Variants in SCN1B observed in about 807,000 individuals in gnomAD.
The protein encoded by SCN1B is sodium voltage-gated channel beta subunit 1.
Under a neutral mutation model 25.7 loss-of-function variants are expected in SCN1B, and 11 were observed. The observed-to-expected ratio is 0.43, with a 90% CI of 0.27 to 0.71. The LOEUF (loss-of-function observed/expected upper bound fraction) is 0.71. Among genes scored for constraint, SCN1B ranks in the 30% least tolerant of loss-of-function variants. SCN1B has a pLI of 0.21. For missense variants in SCN1B, 224 were observed against 291.5 expected (o/e 0.77, Z 1.69); for synonymous variants, 119 against 117.5 (o/e 1.01, Z -0.08).
chr19:35,039,439 T>C (rs1233623733), intron 4 of SCN1B, 181 bp downstream of exon 4: 8 of 1,008,418 alleles, frequency 7.9e-6, no homozygotes, highest in Non-Finnish European at 1.2e-5. Flanking sequence ...ACCCAGCCCC[T>C]TCCTCCCTCC....
In SCN1B at chr19:35,030,753, C is replaced by T. The variant is rs1379248680; in HGVS notation, c.-68C>T. 3 of 518,484 alleles carry T rather than the reference C, an allele frequency of 5.8e-6. No homozygotes were observed. The highest frequency in any genetic ancestry group is 9.4e-6 in the Non-Finnish European group (3 of 317,706). The allele number at this position is 518,484 out of a possible 1,614,324, so 32.1% of individuals were successfully genotyped here. On this transcript the variant is annotated 5_prime_UTR_variant, in exon 1 of 6. Transcript: ENST00000262631. ...GGGACATTCTAACCGCCGCCAGGTCCCGCCGCCTCTCGCCCCGCTATTAAT... is the reference window on the plus strand; with the variant it reads ...GGGACATTCTAACCGCCGCCAGGTCTCGCCGCCTCTCGCCCCGCTATTAAT...
intron 1 of SCN1B, chr19:35,031,243 T>G (rs2064211854): frequency 1.4e-5 from 2 of 145,328 alleles, no homozygotes; most frequent in African/African-American, 2.6e-5. Flanking sequence ...CAGGGAGAGA[T>G]GAAGACGGGA....
In SCN1B at chr19:35,032,683, G is replaced by A; in HGVS notation, c.196G>A (p.Glu66Lys). 1 of 1,613,940 alleles carries A rather than the reference G, an allele frequency of 6.2e-7. No homozygotes were observed. The highest frequency in any genetic ancestry group is 1.1e-5 in the South Asian group (1 of 91,070). ...GACCTTCCGCCAGAAGGGCACTGAGGAGTTTGTCAAGGTGTGCGGGTGCCG... is the reference window on the plus strand; with the variant it reads ...GACCTTCCGCCAGAAGGGCACTGAGAAGTTTGTCAAGGTGTGCGGGTGCCG... ...EWTFRQKGTE[E>K]FVKILRYENE... is the part of the protein sequence containing the mutation. Residue 66 changes from glutamate to lysine, a missense_variant, in exon 2 of 6, where the codon GAG becomes AAG. Physicochemically the swap from Glu to Lys is moderately conservative, Grantham distance 56. Transcript: ENST00000262631. The surrounding 1 kb of genome is among the most constrained non-coding windows in gnomAD (Gnocchi z 4.3).
At chr19:35,038,792 C>T in intron 3 of SCN1B, 1 of 425,092 alleles carries the variant, frequency 2.4e-6, no homozygotes, top group Non-Finnish European at 4.4e-6. Context: ...GGCCTAGAGA[C>T]ATTGAGTCAC....
chr19:35,039,175 G>A lies in SCN1B; in HGVS notation c.507G>A (p.Val169=). 1 of 1,614,192 alleles carries A rather than the reference G, an allele frequency of 6.2e-7. No individual in the cohort carries two copies. Among genetic ancestry groups the A allele is most frequent in the Middle Eastern group, 1.6e-4 (1 of 6,062 alleles). ...SEIMMYVLIV[V]LTIWLVAEMI... ...TCATGATGTATGTGCTCATTGTGGT[G>A]TTGACCATATGGCTCGTGGCAGAGA... The change falls in exon 4 of 6, where the codon GTG becomes GTA. Residue 169 remains valine, a synonymous_variant. Coordinates refer to ENST00000262631, the MANE Select transcript of SCN1B (RefSeq NM_001037.5).
Position 35,039,392 on chromosome 19 carries a change from G to C in SCN1B, c.590+134G>C. On this transcript the variant is annotated intron_variant, in intron 4 of 5. Transcript: ENST00000262631. ...CCATCTCTCAGTACTACCCAGAGGGGAGTGCTCCCTGTCAGACACAGGATA... is the reference window on the plus strand; with the variant it reads ...CCATCTCTCAGTACTACCCAGAGGGCAGTGCTCCCTGTCAGACACAGGATA... 15 of 1,266,060 alleles carry C rather than the reference G, an allele frequency of 1.2e-5. 1 individual carries two copies. The South Asian group carries it at 1.6e-4, about 13-fold the overall frequency. 78.4% of individuals were successfully genotyped at this position (1,266,060 alleles called of 1,614,324 possible).
Position 35,032,797 on chromosome 19 carries a change from G to C in SCN1B, c.207+103G>C. The C allele has an allele frequency of 2.2e-6, 3 of 1,350,556 alleles. No homozygotes were observed. The highest frequency in any genetic ancestry group is 2.1e-6 in the Non-Finnish European group (2 of 961,584). The allele number at this position is 1,350,556 out of a possible 1,614,324, so 83.7% of individuals were successfully genotyped here. A position where few individuals can be genotyped will look rare whatever the true frequency, so the allele number is the denominator to read the frequency against. The stretch of plus-strand genomic sequence containing the variant: ...GGGCTTATTTGTTTAATAATATGCT[G>C]TGATTGCTGACCTGGATTCAGATTC... On this transcript the variant is annotated intron_variant, in intron 2 of 5. Transcript: ENST00000262631. This position sits in a 1 kb window ranked among gnomAD's most constrained non-coding sequence, Gnocchi z 4.3.
intron 4 of SCN1B, 71 bp downstream of exon 4, chr19:35,039,329 G>A: frequency 6.3e-7 from 1 of 1,597,492 alleles, no homozygotes; most frequent in East Asian, 2.2e-5. Context: ...GAACTCCGGA[G>A]CCCGGGCAGG....
At position 35,032,924 on chromosome 19, in the gene SCN1B, C is replaced by T. The variant is rs2064223521; in HGVS notation, c.207+230C>T. Among the ~76,000 whole-genome samples the T allele has an allele frequency of 6.6e-6, 1 of 151,982 alleles. No individual in the cohort carries two copies. The highest frequency in any genetic ancestry group is 2.4e-5 in the African/African-American group (1 of 41,358). ...AGACGGGGTGGCGGTGGTCTCTAGCCCATAGGTTTGTGTGAGGACTGAATG... is the reference window on the plus strand; with the variant it reads ...AGACGGGGTGGCGGTGGTCTCTAGCTCATAGGTTTGTGTGAGGACTGAATG... On this transcript the variant is annotated intron_variant, in intron 2 of 5. Coordinates refer to ENST00000262631, the MANE Select transcript of SCN1B (RefSeq NM_001037.5). The surrounding 1 kb of genome is among the most constrained non-coding windows in gnomAD (Gnocchi z 4.3).
chr19:35,033,823 G>C, intron 3 of SCN1B, 84 bp downstream of exon 3: 1 of 1,612,884 alleles, frequency 6.2e-7, no homozygotes, highest in Non-Finnish European at 8.5e-7. Context: ...GGACAGGACA[G>C]GCTGGCTCTG....
intron 4 of SCN1B, 57 bp from the exon 5 acceptor site, chr19:35,039,578 C>T (rs528950415): frequency 2.7e-5 from 42 of 1,570,478 alleles, no homozygotes; most frequent in South Asian, 3.3e-5. Context: ...CCCCATCCCC[C>T]GGGGGTTGGG....
At position 35,032,682 on chromosome 19, in the gene SCN1B, G is replaced by A. The variant is rs1488711371; in HGVS notation, c.195G>A (p.Glu65=). 6.2e-7 allele frequency: 1 copy of A among 1,613,982 alleles called. No individual in the cohort carries two copies. Among genetic ancestry groups the A allele is most frequent in the African/African-American group, 1.3e-5 (1 of 75,076 alleles). ...GGACCTTCCGCCAGAAGGGCACTGA[G>A]GAGTTTGTCAAGGTGTGCGGGTGCC... ...TEWTFRQKGT[E]EFVKILRYEN... is the part of the protein sequence containing the mutation. Residue 65 remains glutamate, a synonymous_variant, in exon 2 of 6, where the codon GAG becomes GAA. Transcript: ENST00000262631. This position sits in a 1 kb window ranked among gnomAD's most constrained non-coding sequence, Gnocchi z 4.3.
chr19:35,039,573 T>A (rs911030699), intron 4 of SCN1B, 62 bp from the exon 5 acceptor site: 2 of 1,526,342 alleles, frequency 1.3e-6, no homozygotes, highest in Admixed American at 3.3e-5. Flanking sequence ...CCTTCCCCCA[T>A]CCCCCGGGGG....
In SCN1B at chr19:35,033,576, C is replaced by T. The variant is rs1187493875; in HGVS notation, c.285C>T (p.Ser95=). The T allele has an allele frequency of 6.2e-7, 1 of 1,613,932 alleles. No individual in the cohort carries two copies. The highest frequency in any genetic ancestry group is 1.3e-5 in the African/African-American group (1 of 74,890). The change falls in exon 3 of 6, where the codon AGC becomes AGT. Residue 95 remains serine (S), a synonymous_variant. Transcript: ENST00000262631. ...RFEGRVVWNG[S]RGTKDLQDLS... is the part of the protein sequence containing the mutation. ...AGGGCCGCGTGGTGTGGAATGGCAG[C>T]CGGGGCACCAAAGACCTGCAGGATC...
chr19:35,033,309 C>T (rs931984408), intron 2 of SCN1B, among the ~76,000 whole-genome samples, 190 bp from the exon 3 acceptor site: 44 of 152,122 alleles, frequency 2.9e-4, no homozygotes, highest in Admixed American at 1.6e-3. Context: ...GAGGCAAAAG[C>T]GGGGTCTGGT....
In SCN1B at chr19:35,032,482, AG is replaced by A; in HGVS notation, c.41-43del. On this transcript the variant is annotated intron_variant, in intron 1 of 5. Transcript: ENST00000262631. This position sits in a 1 kb window ranked among gnomAD's most constrained non-coding sequence, Gnocchi z 4.3. ...GTTTGTGAGGGGTCTGGCATTGCTT[AG>A]GGCAATGGGTGCCTCTGCCTGACCT... 1 of 1,605,336 alleles carries A rather than the reference AG, an allele frequency of 6.2e-7. No individual in the cohort carries two copies. The highest frequency in any genetic ancestry group is 8.5e-7 in the Non-Finnish European group (1 of 1,175,494).
At chr19:35,033,325 C>A (rs1438028627) in intron 2 of SCN1B, among the ~76,000 whole-genome samples, 174 bp from the exon 3 acceptor site, 1 of 152,050 alleles carries the variant, frequency 6.6e-6, no homozygotes, top group East Asian at 1.9e-4. Context: ...CTGGTTGACT[C>A]CAGGCGTGAT....
At position 35,039,681 on chromosome 19, in the gene SCN1B, G is replaced by A; in HGVS notation, c.637G>A (p.Gly213Ser). ...CTCTGAAAGCAAAGAGAACTGCACG[G>A]GCGTCCAGGTGGCCGAATAGCCCTG... ...ITSESKENCT[G>S]VQVAE is the part of the protein sequence containing the mutation. Residue 213 changes from glycine to serine, a missense_variant, in exon 5 of 6, where the codon GGC becomes AGC. This residue lies in a region of SCN1B where 52 missense variants were observed against 50.8 expected (regional missense o/e 1.02). Coordinates refer to ENST00000262631, the MANE Select transcript of SCN1B (RefSeq NM_001037.5). 6.2e-7 allele frequency: 1 copy of A among 1,614,204 alleles called. No individual in the cohort carries two copies. The highest frequency in any genetic ancestry group is 8.5e-7 in the Non-Finnish European group (1 of 1,180,020).
chr19:35,033,312 G>T (rs2064226094), intron 2 of SCN1B, among the ~76,000 whole-genome samples, 187 bp from the exon 3 acceptor site: 1 of 152,044 alleles, frequency 6.6e-6, no homozygotes, highest in South Asian at 2.1e-4. Context: ...GCAAAAGCGG[G>T]GTCTGGTTGA....
Sources: allele counts gnomAD v4.1 joint callset (sites outside exome capture counted in the v4.1 genomes callset), GRCh38; gene constraint gnomAD v4.1.1; regional missense constraint gnomAD v4.1.1; non-coding constraint Gnocchi (gnomAD v3.1); transcripts MANE v1.5; gene names NCBI Gene and HGNC (gene_info 2026-07-23, HGNC 2026-07-21).